The following HEPH variants were observed in gnomAD, a reference collection of about 807,000 sequenced individuals.
HEPH encodes hephaestin.
A neutral mutation model predicts 80.8 loss-of-function variants in HEPH; 69 were observed. The observed-to-expected ratio is 0.85, with a 90% CI of 0.70 to 1.04. The LOEUF (loss-of-function observed/expected upper bound fraction) is 1.04, where lower values mean the gene tolerates loss of function less well. Among genes scored for constraint, HEPH ranks in the 50% least tolerant of loss-of-function variants. HEPH has a pLI of 0.00. For synonymous variants in HEPH, 431 were observed against 322.8 expected (o/e 1.34, Z -3.60); for missense variants, 1,115 against 891.3 (o/e 1.25, Z -3.20).
chrX:66,234,506 T>C (rs1046777882), intron 15 of HEPH, among the ~76,000 whole-genome samples: 1 of 111,577 alleles, frequency 9.0e-6, no homozygotes, highest in African/African-American at 3.3e-5. Context: ...TTTTCCACCA[T>C]GGTTGAATTA....
At chrX:66,233,809 A>C (rs2148031060) in intron 15 of HEPH, among the ~76,000 whole-genome samples, 1 of 111,223 alleles carries the variant, frequency 9.0e-6, no homozygotes, top group Non-Finnish European at 1.9e-5. Context: ...ACTGAACCAA[A>C]GTCTTGATTT....
chrX:66,208,932 A>T (rs188273266), intron 15 of HEPH, among the ~76,000 whole-genome samples: 47 of 108,942 alleles, frequency 4.3e-4, no homozygotes, highest in Non-Finnish European at 7.4e-4. Flanking sequence ...CTTCTTGCAG[A>T]CTGAATTCTA....
intron 15 of HEPH, among the ~76,000 whole-genome samples, chrX:66,219,737 C>G (rs1480180829): frequency 1.8e-5 from 2 of 111,564 alleles, no homozygotes; most frequent in Non-Finnish European, 1.9e-5. Context: ...AGGAGTTCAC[C>G]TGTCTTTGTA....
intron 15 of HEPH, among the ~76,000 whole-genome samples, chrX:66,240,903 A>C (rs1436379089): frequency 8.9e-6 from 1 of 111,908 alleles, no homozygotes; most frequent in Admixed American, 9.5e-5. Flanking sequence ...TAAAAGAAAA[A>C]ATATTACACC....
At chrX:66,202,914 T>A (rs912287724) in intron 12 of HEPH, among the ~76,000 whole-genome samples, 1 of 93,703 alleles carries the variant, frequency 1.1e-5, no homozygotes, top group Non-Finnish European at 2.1e-5. Context: ...TATGTGTGCA[T>A]ATATATATAT....
downstream of HEPH, chrX:66,268,530 C>T (rs1209622037): frequency 9.0e-6 from 1 of 111,628 alleles, no homozygotes; most frequent in Non-Finnish European, 1.9e-5. Flanking sequence ...CTGTTTTGGC[C>T]TGCAGTTAAC....
At position 66,258,894 on chromosome X, in the gene HEPH, A is replaced by C. The variant is rs2091266682; in HGVS notation, c.2951A>C (p.Glu984Ala). The change falls in exon 18 of 21, where the codon GAA (glutamate) becomes GCA (alanine). Residue 984 changes from glutamate to alanine, a missense_variant. This residue lies in a region of HEPH where 716 missense variants were observed against 523.5 expected (regional missense o/e 1.37). Transcript: ENST00000343002. Reference sequence around the variant, plus strand: ...AGGGGTCTTACCATGTACCAAGGAGAACGAGTGGCCTGGTACATGCTGGCC... The same window carrying C: ...AGGGGTCTTACCATGTACCAAGGAGCACGAGTGGCCTGGTACATGCTGGCC... ...NLRGLTMYQG[E>A]RVAWYMLAMG... 8.4e-6 allele frequency: 10 copies of C among 1,196,331 alleles called. No homozygotes were observed. The highest frequency in any genetic ancestry group is 1.0e-5 in the Non-Finnish European group (9 of 887,621).
intron 3 of HEPH, 108 bp from the exon 4 acceptor site, chrX:66,173,481 T>G: frequency 1.9e-6 from 1 of 513,235 alleles, no homozygotes; most frequent in South Asian, 3.3e-5. Flanking sequence ...CATGCTACAT[T>G]TTATAAGACT....
chrX:66,245,561 G>A (rs2090771157), intron 15 of HEPH, among the ~76,000 whole-genome samples: 1 of 111,065 alleles, frequency 9.0e-6, no homozygotes, highest in Non-Finnish European at 1.9e-5. Flanking sequence ...GTCAACATTA[G>A]ACAGATCAAC....
At chrX:66,169,732 G>A (rs912562055) in intron 1 of HEPH, among the ~76,000 whole-genome samples, 21 of 112,062 alleles carry the variant, frequency 1.9e-4, no homozygotes, top group African/African-American at 6.5e-4. Flanking sequence ...AACTGAACAC[G>A]CTTTTACAAC....
Position 66,200,697 on chromosome X carries a change from A to G in HEPH, c.2022A>G (p.Ala674=). The G allele has an allele frequency of 8.3e-7, 1 of 1,211,514 alleles. No individual in the cohort carries two copies. Among genetic ancestry groups the G allele is most frequent in the Non-Finnish European group, 1.1e-6 (1 of 895,437 alleles). Residue 674 remains alanine (A), a synonymous_variant, in exon 12 of 21, where the codon GCA becomes GCG. Transcript: ENST00000343002. The stretch of plus-strand genomic sequence containing the variant: ...AGCTTCAGGGCATGAGGAAGGGTGC[A>G]GCTATGCTCTTTCCTCATACCTTTG... ...TVQLQGMRKG[A]AMLFPHTFVM...
intron 20 of HEPH, among the ~76,000 whole-genome samples, chrX:66,265,226 C>T (rs776760499): frequency 9.0e-6 from 1 of 110,557 alleles, no homozygotes; most frequent in African/African-American, 3.3e-5. Flanking sequence ...GATGAACAAT[C>T]ATCAAACAAG....
chrX:66,217,731 G>A lies in HEPH; in HGVS notation c.2563+9485G>A, dbSNP rs2089457664. 2.7e-5 allele frequency among the ~76,000 whole-genome samples: 3 copies of A among 111,660 alleles called. No individual in the cohort carries two copies. In the South Asian group the frequency reaches 1.1e-3, roughly 42 times the overall value. ...AATGGCCTAAATGCTCCATTTAAAA[G>A]ATACAGAATAGCAGAATAGATACGA... On this transcript the variant is annotated intron_variant, in intron 15 of 20. Transcript: ENST00000343002.
intron 1 of HEPH, among the ~76,000 whole-genome samples, chrX:66,166,262 C>G (rs542853174): frequency 9.0e-6 from 1 of 111,466 alleles, no homozygotes; most frequent in East Asian, 2.8e-4. Flanking sequence ...GGTGCGATTT[C>G]GGCTCACCAC....
In HEPH at chrX:66,248,018, C is replaced by G. The variant is rs147731162; in HGVS notation, c.2564-7017C>G. ...TATCCAGTTACAAATAATAAGGCAT[C>G]TTTTCTCTCATTAAATATTAATTCC... On this transcript the variant is annotated intron_variant, in intron 15 of 20. Transcript: ENST00000343002. Among the ~76,000 whole-genome samples the G allele has an allele frequency of 8.2e-4, 91 of 111,434 alleles. 2 individuals are homozygous for G. The highest frequency in any genetic ancestry group is 3.0e-3 in the African/African-American group (91 of 30,728).
chrX:66,225,580 T>G (rs1414193334), intron 15 of HEPH, among the ~76,000 whole-genome samples: 2 of 112,608 alleles, frequency 1.8e-5, no homozygotes, highest in African/African-American at 6.4e-5. Context: ...TTACCAACTT[T>G]CAGATGTCTG....
chrX:66,193,914 A>G (rs761902429), intron 8 of HEPH, among the ~76,000 whole-genome samples: 1 of 112,041 alleles, frequency 8.9e-6, no homozygotes, highest in Non-Finnish European at 1.9e-5. Flanking sequence ...TTTTCAGTGA[A>G]TATCTTCCAA....
chrX:66,191,499 A>G (rs746586821), intron 6 of HEPH, among the ~76,000 whole-genome samples: 1 of 112,191 alleles, frequency 8.9e-6, no homozygotes, highest in East Asian at 2.8e-4. Context: ...AGTGACCTCT[A>G]TAAGTTGCTA....
chrX:66,239,984 C>T lies in HEPH; in HGVS notation c.2564-15051C>T, dbSNP rs955219047. ...TGGCATATAAATAGAATAATACAGT[C>T]CATACTCCTGAGAAACAAACACATC... is the stretch of plus-strand genomic sequence containing the variant. On this transcript the variant is annotated intron_variant, in intron 15 of 20. Transcript: ENST00000343002. 5.4e-5 allele frequency among the ~76,000 whole-genome samples: 6 copies of T among 111,519 alleles called. No homozygotes were observed. The Admixed American group carries it at 5.7e-4, about 11-fold the overall frequency.
Sources: allele counts gnomAD v4.1 joint callset (sites outside exome capture counted in the v4.1 genomes callset), GRCh38; gene constraint gnomAD v4.1.1; regional missense constraint gnomAD v4.1.1; transcripts MANE v1.5; gene names NCBI Gene and HGNC (gene_info 2026-07-23, HGNC 2026-07-21).